Variants in ARID1B observed in about 807,000 individuals in gnomAD.
The protein encoded by ARID1B is AT-rich interaction domain 1B, also known as AT-rich interactive domain-containing protein 1B.
ARID1B carries 30 observed loss-of-function variants against 212.3 expected under a neutral mutation model. The observed-to-expected ratio is 0.14, with a 90% confidence interval of 0.11 to 0.19. The LOEUF is 0.19. Ranked by LOEUF, ARID1B falls within the 10% of genes least tolerant of loss-of-function variation. ARID1B has a pLI of 1.00. For synonymous variants in ARID1B, 1,402 were observed against 1,301.7 expected, an observed-to-expected ratio of 1.08 and a Z score of -1.66; for missense variants, 2,891 against 3,204.0, an observed-to-expected ratio of 0.90 and a Z score of 2.36.
At chr6:156,991,269 C>T (rs867652981) in intron 4 of ARID1B, among the ~76,000 whole-genome samples, 1 of 152,144 alleles carries the variant, frequency 6.6e-6, no homozygotes, top group Non-Finnish European at 1.5e-5. Context: ...TTCTCTCTGT[C>T]GCCCAAGCTG....
intron 6 of ARID1B, among the ~76,000 whole-genome samples, chr6:157,123,844 C>A (rs1423907038): frequency 6.6e-6 from 1 of 152,248 alleles, no homozygotes; most frequent in Non-Finnish European, 1.5e-5. Flanking sequence ...CAGTTGTCAT[C>A]CACATTTTTC....
At chr6:157,165,803 C>T (rs1254515973) in intron 8 of ARID1B, among the ~76,000 whole-genome samples, 3 of 152,162 alleles carry the variant, frequency 2.0e-5, no homozygotes, top group African/African-American at 7.2e-5. Context: ...TGAGCCAAGA[C>T]TGCGCCACTG....
chr6:156,954,084 G>A (rs868164071), intron 4 of ARID1B, among the ~76,000 whole-genome samples: 18 of 152,062 alleles, frequency 1.2e-4, no homozygotes, highest in African/African-American at 3.6e-4. Flanking sequence ...CACGCAGTCA[G>A]ATTTGCTCTG....
intron 15 of ARID1B, among the ~76,000 whole-genome samples, chr6:157,191,499 A>T (rs1169557139): frequency 6.6e-6 from 1 of 152,150 alleles, no homozygotes; most frequent in East Asian, 1.9e-4. Context: ...TGGCATCTGC[A>T]GTGATGGGAT....
intron 1 of ARID1B, among the ~76,000 whole-genome samples, chr6:156,808,749 T>G (rs546828464): frequency 1.2e-4 from 18 of 152,360 alleles, no homozygotes; most frequent in Admixed American, 1.1e-3. Flanking sequence ...GTTGTGCACA[T>G]TCTTTATTTG....
chr6:157,059,738 T>A (rs1583232715), intron 4 of ARID1B, among the ~76,000 whole-genome samples: 1 of 152,310 alleles, frequency 6.6e-6, no homozygotes, highest in East Asian at 1.9e-4. Context: ...AGCTCCTGCC[T>A]GGCCTGGGAA....
intron 8 of ARID1B, 90 bp downstream of exon 8, chr6:157,149,041 G>C (rs1410295772): frequency 7.5e-7 from 1 of 1,328,314 alleles, no homozygotes; most frequent in African/African-American, 1.4e-5. Flanking sequence ...TGTTCCCTGG[G>C]GTCACACAGA....
chr6:156,905,167 T>A (rs1789259398), intron 3 of ARID1B, among the ~76,000 whole-genome samples: 1 of 152,068 alleles, frequency 6.6e-6, no homozygotes, highest in South Asian at 2.1e-4. Flanking sequence ...GGCCTTTGTC[T>A]GTAATATGAG....
chr6:157,053,615 A>C (rs1387263944), intron 4 of ARID1B, among the ~76,000 whole-genome samples: 1 of 152,232 alleles, frequency 6.6e-6, no homozygotes, highest in Admixed American at 6.5e-5. Flanking sequence ...TATCACTTGA[A>C]TGTAGAAATG....
chr6:156,851,446 C>T (rs1173095489), intron 2 of ARID1B, among the ~76,000 whole-genome samples: 1 of 152,176 alleles, frequency 6.6e-6, no homozygotes. Flanking sequence ...GATTTCCCCC[C>T]ACTTTTGGAC....
chr6:156,812,935 T>TGG (rs1270600619), intron 1 of ARID1B, among the ~76,000 whole-genome samples: 45 of 46,840 alleles, frequency 9.6e-4, no homozygotes, highest in Admixed American at 1.5e-3. Context: ...TAATCCTGGG[T>TGG]GTGTGTGTGT....
Position 156,778,898 on chromosome 6 carries a change from A to AGGCAGC in ARID1B, c.1220_1221insCAGCGG (p.Gly407_Gly408insSerGly). 2.2e-6 allele frequency: 3 copies of AGGCAGC among 1,350,966 alleles called. No homozygotes were observed. 83.7% of individuals were successfully genotyped at this position (1,350,966 alleles called of 1,614,324 possible). On this transcript the variant is annotated inframe_insertion, in exon 1 of 20. Transcript: ENST00000636930. Reference sequence around the variant, plus strand: ...GAGGAGGAGGAGGCAGCGGAGGAGGAGGAGGAGGAGGAGGAGCAGGAGCAG... The same window carrying AGGCAGC: ...GAGGAGGAGGAGGCAGCGGAGGAGGAGGCAGCGGAGGAGGAGGAGGAGCAGGAGCAG...
At chr6:157,159,940 C>A (rs1790826205) in intron 8 of ARID1B, among the ~76,000 whole-genome samples, 1 of 152,206 alleles carries the variant, frequency 6.6e-6, no homozygotes, top group South Asian at 2.1e-4. Context: ...AAACAATATT[C>A]TTCTTTGCCC....
At chr6:157,056,125 G>A (rs983712100) in intron 4 of ARID1B, among the ~76,000 whole-genome samples, 2 of 152,090 alleles carry the variant, frequency 1.3e-5, no homozygotes, top group Non-Finnish European at 2.9e-5. Flanking sequence ...AGTGTTACCT[G>A]TCATCTCCAC....
rs116379354 is a variant in ARID1B at position 156,947,454 on chromosome 6, C to T, written c.2247+11878C>T. On this transcript the variant is annotated intron_variant, in intron 4 of 19. Transcript: ENST00000636930. ...TTTTTTCTTTTTTGCAGATGTAGGGCGTGTGAGTATGGGGCGATGGTGCAG... is the reference window on the plus strand; with the variant it reads ...TTTTTTCTTTTTTGCAGATGTAGGGTGTGTGAGTATGGGGCGATGGTGCAG... 4.6e-3 allele frequency among the ~76,000 whole-genome samples: 692 copies of T among 151,758 alleles called. 3 individuals carry two copies. The highest frequency in any genetic ancestry group is 0.016 in the African/African-American group (656 of 41,382).
intron 4 of ARID1B, among the ~76,000 whole-genome samples, chr6:156,947,501 A>G (rs1244125755): frequency 6.6e-6 from 1 of 151,998 alleles, no homozygotes; most frequent in Non-Finnish European, 1.5e-5. Context: ...TTAACATGCT[A>G]TTTTGAAAGA....
intron 1 of ARID1B, among the ~76,000 whole-genome samples, chr6:156,794,440 G>C (rs1443691794): frequency 6.6e-6 from 1 of 152,028 alleles, no homozygotes; most frequent in Non-Finnish European, 1.5e-5. Flanking sequence ...TGTAGAGATG[G>C]GGGTCTTGCT....
chr6:156,848,759 A>G (rs1024306806), intron 2 of ARID1B, among the ~76,000 whole-genome samples: 2 of 152,190 alleles, frequency 1.3e-5, no homozygotes, highest in African/African-American at 4.8e-5. Flanking sequence ...GGAGCTTAGC[A>G]TGAGGGGAGG....
chr6:156,907,275 CCTT>C (rs1357270793), intron 3 of ARID1B, among the ~76,000 whole-genome samples: 1 of 152,064 alleles, frequency 6.6e-6, no homozygotes, highest in Non-Finnish European at 1.5e-5. Flanking sequence ...AAGGAAGTTC[CCTT>C]CTTTTCTAGT....
Sources: allele counts gnomAD v4.1 joint callset (sites outside exome capture counted in the v4.1 genomes callset), GRCh38; gene constraint gnomAD v4.1.1; transcripts MANE v1.5; gene names NCBI Gene and HGNC (gene_info 2026-07-23, HGNC 2026-07-21).